LTK: variants seen among roughly 807,000 people sequenced by gnomAD.
LTK encodes leukocyte tyrosine kinase receptor.
Under a neutral mutation model 101.5 loss-of-function variants are expected in LTK, and 117 were observed. The ratio of observed to expected loss-of-function variants is 1.15; its 90% CI spans 0.99 to 1.34. The LOEUF is 1.34. Among genes scored for constraint, LTK ranks in the 40% most tolerant of loss-of-function variants. The pLI is 0.00. For missense variants in LTK, 1,252 were observed against 1,164.7 expected (o/e 1.07, Z -1.09); for synonymous variants, 563 against 494.2 (o/e 1.14, Z -1.85).
At position 41,508,183 on chromosome 15, in the gene LTK, G is replaced by A; in HGVS notation, c.1135C>T (p.Leu379Phe). The A allele has an allele frequency of 6.2e-7, 1 of 1,613,452 alleles. No homozygotes were observed. The highest frequency in any genetic ancestry group is 8.5e-7 in the Non-Finnish European group (1 of 1,179,782). Residue 379 changes from leucine (L) to phenylalanine (F), a missense_variant, in exon 9 of 20, where the codon CTC (leucine) becomes TTC (phenylalanine). Leu to Phe is a conservative substitution (Grantham distance 22). Transcript: ENST00000263800. ...NHGEVEIRRH[L>F]NCSHCPLRDC... ...CTCAAAGGGCAGTGACTGCAGTTGA[G>A]GTGCCTTCGGATCTCTACCTCTCCG...
chr15:41,512,045 G>A, intron 4 of LTK, 70 bp downstream of exon 4: 2 of 1,485,082 alleles, frequency 1.3e-6, no homozygotes, highest in South Asian at 1.3e-5. Context: ...AGGAAAGCAC[G>A]CTCCCCCGGC....
Position 41,507,649 on chromosome 15 carries a change from T to G in LTK, c.1258A>C (p.Lys420Gln). Residue 420 changes from lysine to glutamine, a missense_variant, in exon 10 of 20, where the codon AAG becomes CAG. Physicochemically the swap from Lys to Gln is moderately conservative, Grantham distance 53. Coordinates refer to ENST00000263800, the MANE Select transcript of LTK (RefSeq NM_002344.6). ...ATCAGAACCAGAGGGCCTGGGGGCT[T>G]GTGCAGGTCTAGGGAGAAAGAGAGA... ...VDNVTCMDLH[K>Q]PPGPLVLMVA... is the part of the protein sequence containing the mutation. 7.4e-6 allele frequency: 12 copies of G among 1,613,222 alleles called. No homozygotes were observed. Among genetic ancestry groups the G allele is most frequent in the Non-Finnish European group, 1.0e-5 (12 of 1,179,742 alleles).
In LTK at chr15:41,511,264, G is replaced by A; in HGVS notation, c.897C>T (p.Gly299=). The change falls in exon 7 of 20, where the codon GGC becomes GGT. Residue 299 remains glycine (G), a synonymous_variant. Coordinates refer to ENST00000263800, the MANE Select transcript of LTK (RefSeq NM_002344.6). The surrounding 1 kb of genome is among the most constrained non-coding windows in gnomAD (Gnocchi z 5.9). ...CAAGGGTCGCCCAAGCCTCGGAGCA[G>A]CCCTGGCCGCCCTCCGCCCCCTCCT... ...SLQEGAEGGQ[G]CSEAWATLGW... The A allele has an allele frequency of 7.0e-7, 1 of 1,422,856 alleles. No individual in the cohort carries two copies. Among genetic ancestry groups the A allele is most frequent in the South Asian group, 1.4e-5 (1 of 69,034 alleles). 88.1% of individuals were successfully genotyped at this position (1,422,856 alleles called of 1,614,324 possible). A position where few individuals can be genotyped will look rare whatever the true frequency, so the allele number is the denominator to read the frequency against.
At chr15:41,507,750 T>G in intron 9 of LTK, 93 bp from the exon 10 acceptor site, 5 of 1,354,356 alleles carry the variant, frequency 3.7e-6, no homozygotes, top group Non-Finnish European at 5.0e-6. Context: ...GCTCAAGTGT[T>G]AATTTTTCCA....
At chr15:41,508,596 TAAATA>T (rs1435417010) in intron 8 of LTK, among the ~76,000 whole-genome samples, 2 of 151,336 alleles carry the variant, frequency 1.3e-5, no homozygotes, top group Non-Finnish European at 3.0e-5. Flanking sequence ...AATAAATAAA[TAAATA>T]AATACATGCC....
In LTK at chr15:41,511,343, C is replaced by G; in HGVS notation, c.818G>C (p.Gly273Ala). 1 of 1,359,908 alleles carries G rather than the reference C, an allele frequency of 7.4e-7. No homozygotes were observed. The highest frequency in any genetic ancestry group is 1.8e-5 in the South Asian group (1 of 55,918). 84.2% of individuals were successfully genotyped at this position (1,359,908 alleles called of 1,614,324 possible). The change falls in exon 7 of 20, where the codon GGT becomes GCT. Residue 273 changes from glycine to alanine, a missense_variant. Physicochemically the swap from Gly to Ala is moderately conservative, Grantham distance 60. Coordinates refer to ENST00000263800, the MANE Select transcript of LTK (RefSeq NM_002344.6). The surrounding 1 kb of genome is among the most constrained non-coding windows in gnomAD (Gnocchi z 5.9). ...AGCCCGCGACGTCCAGCCGCCCCCA[C>G]CACCTGCAGAGCGACAGCAGGAAGG... ...GSGGRGGAAG[G>A]GGGWTSRAPS...
At position 41,511,163 on chromosome 15, in the gene LTK, C is replaced by T. The variant is rs759459741; in HGVS notation, c.997+1G>A. Reference sequence around the variant, plus strand: ...GCTGCCCTCTCCAACGGTGCACCTACCCCTGTAGCCGCCGCCGCCTCCGCC... The same window carrying T: ...GCTGCCCTCTCCAACGGTGCACCTATCCCTGTAGCCGCCGCCGCCTCCGCC... On this transcript the variant is annotated splice_donor_variant, in intron 7 of 19. Coordinates refer to ENST00000263800, the MANE Select transcript of LTK (RefSeq NM_002344.6). LOFTEE classifies it high-confidence loss of function. This position sits in a 1 kb window ranked among gnomAD's most constrained non-coding sequence, Gnocchi z 5.9. 2.1e-6 allele frequency: 3 copies of T among 1,407,880 alleles called. No homozygotes were observed. The East Asian group carries it at 8.6e-5, about 41-fold the overall frequency. The allele number at this position is 1,407,880 out of a possible 1,614,324, so 87.2% of individuals were successfully genotyped here.
At position 41,512,869 on chromosome 15, in the gene LTK, C is replaced by G; in HGVS notation, c.197G>C (p.Gly66Ala). The change falls in exon 3 of 20, where the codon GGG becomes GCG. Residue 66 changes from glycine to alanine, a missense_variant. Gly to Ala is a moderately conservative substitution (Grantham distance 60). Transcript: ENST00000263800. ...ASPLNSPGTEGSWLFSTCGAS... is the reference protein window; with the variant it reads ...ASPLNSPGTEASWLFSTCGAS... ...CCCGCAGGTAGAAAACAGCCAAGAC[C>G]CCTCGGTGCCTGAGAGCAAGGAGCG... 6.2e-7 allele frequency: 1 copy of G among 1,610,700 alleles called. No homozygotes were observed. The highest frequency in any genetic ancestry group is 8.5e-7 in the Non-Finnish European group (1 of 1,178,318).
chr15:41,504,034 G>C lies in LTK; in HGVS notation c.2557C>G (p.Gln853Glu), dbSNP rs772162306. Reference protein sequence around the residue: ...GLKPLKSRGLQPQNLWNPTYR... With the variant: ...GLKPLKSRGLEPQNLWNPTYR... The stretch of plus-strand genomic sequence containing the variant: ...GTGGGATTCCAAAGGTTCTGAGGTT[G>C]GAGGCCCCTGGATTTGAGGGGCTTG... Residue 853 changes from glutamine to glutamate, a missense_variant, in exon 20 of 20, where the codon CAA becomes GAA. Coordinates refer to ENST00000263800, the MANE Select transcript of LTK (RefSeq NM_002344.6). 1.2e-6 allele frequency: 2 copies of C among 1,612,052 alleles called. No individual in the cohort carries two copies. Among genetic ancestry groups the C allele is most frequent in the East Asian group, 4.5e-5 (2 of 44,884 alleles).
At position 41,512,281 on chromosome 15, in the gene LTK, G is replaced by T. The variant is rs757936539; in HGVS notation, c.360-16C>A. The T allele has an allele frequency of 6.2e-7, 1 of 1,608,656 alleles. No individual in the cohort carries two copies. The highest frequency in any genetic ancestry group is 8.5e-7 in the Non-Finnish European group (1 of 1,177,476). On this transcript the variant is annotated splice_polypyrimidine_tract_variant and intron_variant, in intron 3 of 19. Coordinates refer to ENST00000263800, the MANE Select transcript of LTK (RefSeq NM_002344.6). ...GGCTGAGATCCTGCGGGGAACGGAC[G>T]GTGAGTCCCCGGCCTTCGGTGCTCA...
In LTK at chr15:41,508,077, G is replaced by T. The variant is rs775802686; in HGVS notation, c.1241C>A (p.Thr414Asn). ...GCAAAGGTAGGACATACCCATGCAG[G>T]TGACGTTATCCACAGCTAGCTCCAT... Reference protein sequence around the residue: ...EGMELAVDNVTCMDLHKPPGP... With the variant: ...EGMELAVDNVNCMDLHKPPGP... The change falls in exon 9 of 20, where the codon ACC becomes AAC. Residue 414 changes from threonine (T) to asparagine (N), a missense_variant. Physicochemically the swap from Thr to Asn is moderately conservative, Grantham distance 65. Coordinates refer to ENST00000263800, the MANE Select transcript of LTK (RefSeq NM_002344.6). 4.4e-6 allele frequency: 7 copies of T among 1,604,584 alleles called. No homozygotes were observed. The highest frequency in any genetic ancestry group is 4.3e-6 in the Non-Finnish European group (5 of 1,175,330).
Position 41,503,981 on chromosome 15 carries a change from AG to A in LTK, c.*14del, listed in dbSNP as rs746319080. On this transcript the variant is annotated 3_prime_UTR_variant, in exon 20 of 20. Coordinates refer to ENST00000263800, the MANE Select transcript of LTK (RefSeq NM_002344.6). The stretch of plus-strand genomic sequence containing the variant: ...CCTCAGTGCCTCAGTCCTTACCCTC[AG>A]GGCCCCTTGGGGCTCAGGAGCGATA... The A allele has an allele frequency of 2.5e-6, 4 of 1,583,364 alleles. No individual in the cohort carries two copies. The South Asian group carries it at 3.4e-5, about 14-fold the overall frequency.
rs776251722 is a variant in LTK, at chr15:41,509,033, G to A, written c.1094C>T (p.Ala365Val). Reference protein sequence around the residue: ...PSSELFLQPLAVTENHGEVEI... With the variant: ...PSSELFLQPLVVTENHGEVEI... ...AGAGGTGGGGTTGGGGCCAATACCTGCCAGAGGCTGCAGGAAGAGCTCGCT... is the reference window on the plus strand; with the variant it reads ...AGAGGTGGGGTTGGGGCCAATACCTACCAGAGGCTGCAGGAAGAGCTCGCT... The change falls in exon 8 of 20, where the codon GCA (alanine) becomes GTA (valine). Residue 365 changes from alanine (A) to valine (V), a missense_variant and splice_region_variant. Coordinates refer to ENST00000263800, the MANE Select transcript of LTK (RefSeq NM_002344.6). The A allele has an allele frequency of 3.7e-6, 6 of 1,602,608 alleles. No individual in the cohort carries two copies. In the African/African-American group the frequency reaches 6.7e-5, roughly 18 times the overall value.
chr15:41,507,680 C>T (rs1307589009), intron 9 of LTK, 23 bp from the exon 10 acceptor site: 5 of 1,604,976 alleles, frequency 3.1e-6, no homozygotes, highest in Non-Finnish European at 4.3e-6. Flanking sequence ...AGAGACACCT[C>T]CAGTGGGAAG....
Position 41,511,204 on chromosome 15 carries a change from G to A in LTK, c.957C>T (p.Gly319=). The change falls in exon 7 of 20, where the codon GGC becomes GGT. Residue 319 remains glycine (G), a synonymous_variant. Coordinates refer to ENST00000263800, the MANE Select transcript of LTK (RefSeq NM_002344.6). The surrounding 1 kb of genome is among the most constrained non-coding windows in gnomAD (Gnocchi z 5.9). ...WAAAGGFGGG[G]GACTAGGGGG... Reference sequence around the variant, plus strand: ...CGCCTCCGCCCGCAGTGCAGGCCCCGCCGCCGCCCCCGAAGCCGCCGGCCG... The same window carrying A: ...CGCCTCCGCCCGCAGTGCAGGCCCCACCGCCGCCCCCGAAGCCGCCGGCCG... The A allele has an allele frequency of 2.2e-6, 3 of 1,390,210 alleles. No homozygotes were observed. Among genetic ancestry groups the A allele is most frequent in the Admixed American group, 3.2e-5 (1 of 30,948 alleles). 86.1% of individuals were successfully genotyped at this position (1,390,210 alleles called of 1,614,324 possible).
At position 41,511,231 on chromosome 15, in the gene LTK, G is replaced by C. The variant is rs751666029; in HGVS notation, c.930C>G (p.Ala310=). 1 of 1,404,416 alleles carries C rather than the reference G, an allele frequency of 7.1e-7. No homozygotes were observed. Among genetic ancestry groups the C allele is most frequent in the Non-Finnish European group, 9.2e-7 (1 of 1,083,280 alleles). The allele number at this position is 1,404,416 out of a possible 1,614,324, so 87.0% of individuals were successfully genotyped here. The part of the protein sequence containing the change: ...CSEAWATLGW[A]AAGGFGGGGG... Reference sequence around the variant, plus strand: ...CGCCGCCCCCGAAGCCGCCGGCCGCGGCCCAGCCAAGGGTCGCCCAAGCCT... The same window carrying C: ...CGCCGCCCCCGAAGCCGCCGGCCGCCGCCCAGCCAAGGGTCGCCCAAGCCT... The change falls in exon 7 of 20, where the codon GCC becomes GCG. Residue 310 remains alanine, a synonymous_variant. Coordinates refer to ENST00000263800, the MANE Select transcript of LTK (RefSeq NM_002344.6). The surrounding 1 kb of genome is among the most constrained non-coding windows in gnomAD (Gnocchi z 5.9).
Position 41,513,690 on chromosome 15 carries a change from A to C in LTK, c.20T>G (p.Leu7Arg), listed in dbSNP as rs1401124761. 1.2e-6 allele frequency: 2 copies of C among 1,612,332 alleles called. No homozygotes were observed. Among genetic ancestry groups the C allele is most frequent in the East Asian group, 2.2e-5 (1 of 44,760 alleles). MGCWGQ[L>R]LVWFGAAGAI... ...ACCCGCGGCTCCGAACCACACCAGC[A>C]GCTGTCCCCAGCAGCCCATCCCTGT... The change falls in exon 1 of 20, where the codon CTG becomes CGG. Residue 7 changes from leucine to arginine, a missense_variant. Coordinates refer to ENST00000263800, the MANE Select transcript of LTK (RefSeq NM_002344.6).
rs371592300 is a variant in LTK, at chr15:41,505,001, C to T, written c.1989G>A (p.Gly663=). The T allele has an allele frequency of 2.5e-6, 4 of 1,613,310 alleles. No homozygotes were observed. The African/African-American group carries it at 4.0e-5, about 16-fold the overall frequency. ...AGATATCTCGTGCCATCCCAAAGTC[C>T]CCAATCTTGGCCACTCGGCTGGGTC... The part of the protein sequence containing the change: ...CAGPSRVAKI[G]DFGMARDIYR... The change falls in exon 16 of 20, where the codon GGG becomes GGA. Residue 663 remains glycine (G), a synonymous_variant. Transcript: ENST00000263800.
At chr15:41,512,052 C>T (rs1280430196) in intron 4 of LTK, 63 bp downstream of exon 4, 32 of 1,502,030 alleles carry the variant, frequency 2.1e-5, no homozygotes, top group African/African-American at 5.6e-5. Context: ...CACGCTCCCC[C>T]GGCCCCCAGG....
Sources: gnomAD v4.1 joint callset for allele counts (sites outside exome capture counted in the v4.1 genomes callset) on GRCh38, gnomAD v4.1.1 for gene constraint, Gnocchi (gnomAD v3.1) non-coding constraint, MANE v1.5 for transcripts, NCBI Gene and HGNC (gene_info 2026-07-23, HGNC 2026-07-21) for gene names.